Variants in ZPBP observed in about 807,000 individuals in gnomAD.
The protein encoded by ZPBP is zona pellucida binding protein.
ZPBP carries 26 observed loss-of-function variants against 44.8 expected under a neutral mutation model. The ratio of observed to expected loss-of-function variants is 0.58; its 90% CI spans 0.43 to 0.81. The LOEUF (loss-of-function observed/expected upper bound fraction) is 0.81. ZPBP is among the 30% of genes least tolerant of loss of function. The pLI is 0.00. For synonymous variants in ZPBP, 174 were observed against 153.2 expected (o/e 1.14, Z -1.00); for missense variants, 409 against 434.0 (o/e 0.94, Z 0.51).
intron 2 of ZPBP, among the ~76,000 whole-genome samples, chr7:49,894,241 C>G (rs765716394): frequency 6.6e-6 from 1 of 152,240 alleles, no homozygotes; most frequent in South Asian, 2.1e-4. Flanking sequence ...ACCTCAGCCT[C>G]GACCACCCAG....
chr7:49,871,959 C>T (rs1296505068), intron 2 of ZPBP, among the ~76,000 whole-genome samples: 2 of 34,612 alleles, frequency 5.8e-5, no homozygotes, highest in Non-Finnish European at 1.2e-4. Flanking sequence ...ACACACACAC[C>T]GAGAAAGAGA....
intron 1 of ZPBP, among the ~76,000 whole-genome samples, chr7:49,910,576 T>C (rs1207636751): frequency 6.7e-6 from 1 of 149,342 alleles, no homozygotes; most frequent in Non-Finnish European, 1.5e-5. Context: ...TCTACAGGTA[T>C]GAACCATAAC....
intron 2 of ZPBP, among the ~76,000 whole-genome samples, chr7:49,854,580 T>C (rs924772042): frequency 6.6e-6 from 1 of 152,222 alleles, no homozygotes; most frequent in Non-Finnish European, 1.5e-5. Context: ...GTCTTGTAAA[T>C]TTGTTTGAGT....
chr7:49,933,064 T>G (rs1794500609), downstream of ZPBP, among the ~76,000 whole-genome samples: 1 of 152,194 alleles, frequency 6.6e-6, no homozygotes, highest in Non-Finnish European at 1.5e-5. Context: ...AACAGACTAA[T>G]AGACCATATT....
At chr7:49,865,631 C>T (rs1790853203) in intron 2 of ZPBP, among the ~76,000 whole-genome samples, 1 of 152,182 alleles carries the variant, frequency 6.6e-6, no homozygotes, top group Non-Finnish European at 1.5e-5. Context: ...TTTTGAGACT[C>T]TGTTTGTATA....
At chr7:50,090,119 T>C (rs1365522633) in intron 1 of ZPBP, among the ~76,000 whole-genome samples, 1 of 152,142 alleles carries the variant, frequency 6.6e-6, no homozygotes, top group African/African-American at 2.4e-5. Flanking sequence ...TTAATTTCCT[T>C]AAGTTTTGGA....
intron 1 of ZPBP, among the ~76,000 whole-genome samples, chr7:49,909,200 A>G (rs1268262290): frequency 6.6e-6 from 1 of 152,224 alleles, no homozygotes; most frequent in Non-Finnish European, 1.5e-5. Context: ...CAGTATCTGT[A>G]TCTAAGGATA....
intron 2 of ZPBP, among the ~76,000 whole-genome samples, chr7:49,854,474 C>G (rs958665216): frequency 1.3e-5 from 2 of 152,112 alleles, no homozygotes; most frequent in Non-Finnish European, 2.9e-5. Context: ...TGATGATGAG[C>G]ATTTTTTCAT....
intron 2 of ZPBP, among the ~76,000 whole-genome samples, chr7:49,899,148 A>T (rs1583786579): frequency 6.6e-6 from 1 of 152,140 alleles, no homozygotes; most frequent in South Asian, 2.1e-4. Context: ...TATGTTCTAC[A>T]ACCCCCAGTG....
chr7:50,062,479 A>G (rs1192584113), intron 3 of ZPBP, among the ~76,000 whole-genome samples: 1 of 152,224 alleles, frequency 6.6e-6, no homozygotes, highest in Non-Finnish European at 1.5e-5. Context: ...AAACAGACAC[A>G]TAGACTAATG....
downstream of ZPBP, among the ~76,000 whole-genome samples, chr7:49,847,871 T>C (rs950107444): frequency 2.0e-5 from 3 of 152,044 alleles, no homozygotes; most frequent in Admixed American, 6.5e-5. Flanking sequence ...TGAGCTCTGA[T>C]TGGGTAATCA....
At chr7:50,092,922 T>C in intron 1 of ZPBP, 146 bp downstream of exon 1, 2 of 1,266,550 alleles carry the variant, frequency 1.6e-6, no homozygotes, top group Non-Finnish European at 1.0e-6. Context: ...ACGACTTCCA[T>C]AAAAAATAAG....
intron 3 of ZPBP, among the ~76,000 whole-genome samples, chr7:50,066,540 A>G (rs1801511656): frequency 6.6e-6 from 1 of 152,232 alleles, no homozygotes; most frequent in Non-Finnish European, 1.5e-5. Flanking sequence ...TAAAAACATT[A>G]GCGTAGGTAA....
intron 3 of ZPBP, among the ~76,000 whole-genome samples, chr7:50,076,164 TGTTTTGATTAAAC>T: frequency 6.6e-6 from 1 of 151,682 alleles, no homozygotes; most frequent in African/African-American, 2.4e-5. Flanking sequence ...TGAACGATCA[TGTTTTGATTAAAC>T]TTCAAAATTG....
At chr7:49,883,931 A>G in intron 2 of ZPBP, among the ~76,000 whole-genome samples, 1 of 152,252 alleles carries the variant, frequency 6.6e-6, no homozygotes, top group East Asian at 1.9e-4. Flanking sequence ...CTAAGAACAG[A>G]AAGCAGTGGA....
intron 7 of ZPBP, among the ~76,000 whole-genome samples, chr7:49,981,610 A>ATTATATAATTATATAAATTATAT (rs1796954292): frequency 5.7e-4 from 3 of 5,236 alleles, no homozygotes; most frequent in African/African-American, 3.2e-3. Context: ...TAAATTATAT[A>ATTATATAATTATATAAATTATAT]ATTATATTAT....
intron 7 of ZPBP, among the ~76,000 whole-genome samples, chr7:49,941,507 ACAATC>A (rs1476613494): frequency 2.0e-5 from 3 of 152,196 alleles, no homozygotes; most frequent in East Asian, 3.8e-4. Flanking sequence ...TTAACAATAA[ACAATC>A]CAAAAGGGAA....
chr7:50,042,567 T>G (rs1034768873), intron 4 of ZPBP, among the ~76,000 whole-genome samples: 2 of 152,060 alleles, frequency 1.3e-5, no homozygotes, highest in African/African-American at 4.8e-5. Context: ...CCAGGCAAAC[T>G]AAGCTTCATA....
chr7:49,868,438 A>G (rs1462325183), intron 2 of ZPBP, among the ~76,000 whole-genome samples: 2 of 152,204 alleles, frequency 1.3e-5, no homozygotes, highest in Admixed American at 6.5e-5. Context: ...ATTCAGAGCC[A>G]CCATGTCTAC....
Sources: gnomAD v4.1 joint callset for allele counts (sites outside exome capture counted in the v4.1 genomes callset) on GRCh38, gnomAD v4.1.1 for gene constraint, MANE v1.5 for transcripts, NCBI Gene and HGNC (gene_info 2026-07-23, HGNC 2026-07-21) for gene names.